The following NKAIN2 variants were observed in gnomAD, a reference collection of about 807,000 sequenced individuals.
NKAIN2 encodes sodium/potassium transporting ATPase interacting 2, also known as sodium/potassium-transporting ATPase subunit beta-1-interacting protein 2.
In NKAIN2, 14 loss-of-function variants were observed where a neutral mutation model predicts 32.6. That is an observed-to-expected ratio of 0.43 (90% CI 0.28 to 0.67). The LOEUF is 0.67. Ranked by LOEUF, NKAIN2 falls within the 30% of genes least tolerant of loss-of-function variation. NKAIN2 has a pLI of 0.17. For synonymous variants in NKAIN2, 80 were observed against 87.2 expected, an observed-to-expected ratio of 0.92 and a Z score of 0.46; for missense variants, 198 against 258.3, an observed-to-expected ratio of 0.77 and a Z score of 1.60.
At chr6:123,900,226 C>T (rs1161682333) in intron 1 of NKAIN2, among the ~76,000 whole-genome samples, 1 of 152,074 alleles carries the variant, frequency 6.6e-6, no homozygotes, top group African/African-American at 2.4e-5. Flanking sequence ...AATCCCAGCA[C>T]TTTGGGAGGC....
chr6:124,637,448 TC>T (rs1341442187), intron 3 of NKAIN2, among the ~76,000 whole-genome samples: 1 of 152,066 alleles, frequency 6.6e-6, no homozygotes, highest in Non-Finnish European at 1.5e-5. Flanking sequence ...AGTCAAATTG[TC>T]CCTCTTTGCA....
intron 1 of NKAIN2, among the ~76,000 whole-genome samples, chr6:123,892,413 C>T (rs936145497): frequency 1.2e-4 from 18 of 152,036 alleles, no homozygotes; most frequent in Admixed American, 6.5e-4. Flanking sequence ...CTTCACAGGG[C>T]GGCAGGAGAG....
At chr6:124,357,531 A>C (rs1460972515) in intron 3 of NKAIN2, among the ~76,000 whole-genome samples, 2 of 152,184 alleles carry the variant, frequency 1.3e-5, no homozygotes, top group African/African-American at 4.8e-5. Flanking sequence ...CATCAGAAAA[A>C]AAAAAGCAAT....
At chr6:124,227,606 C>T (rs181078377) in intron 1 of NKAIN2, among the ~76,000 whole-genome samples, 57 of 152,206 alleles carry the variant, frequency 3.7e-4, no homozygotes, top group Admixed American at 3.7e-3. Context: ...TAAGCATAAA[C>T]CATCCAATTT....
intron 3 of NKAIN2, among the ~76,000 whole-genome samples, chr6:124,379,146 G>GA (rs1408686343): frequency 1.6e-4 from 7 of 44,508 alleles, no homozygotes; most frequent in African/African-American, 6.0e-4. Context: ...GGGAGGGGAG[G>GA]GAGGGAGGGA....
chr6:124,216,956 A>T (rs1464589040), intron 1 of NKAIN2, among the ~76,000 whole-genome samples: 1 of 152,184 alleles, frequency 6.6e-6, no homozygotes, highest in Admixed American at 6.6e-5. Context: ...TATAAATAAC[A>T]AGAATTGACT....
intron 2 of NKAIN2, among the ~76,000 whole-genome samples, chr6:124,299,733 C>G (rs1021927713): frequency 9.9e-5 from 15 of 152,084 alleles, no homozygotes; most frequent in Non-Finnish European, 2.1e-4. Flanking sequence ...CTATATTTTT[C>G]TATTCTGAAT....
chr6:124,748,878 A>G (rs1291017860), intron 4 of NKAIN2, among the ~76,000 whole-genome samples: 3 of 150,210 alleles, frequency 2.0e-5, no homozygotes, highest in Non-Finnish European at 4.4e-5. Context: ...GTGTGCAAGT[A>G]TATTCGTTTT....
intron 1 of NKAIN2, among the ~76,000 whole-genome samples, chr6:124,189,535 G>A (rs1040132498): frequency 1.1e-4 from 17 of 151,802 alleles, no homozygotes; most frequent in Non-Finnish European, 1.5e-5. Flanking sequence ...CTGTCTCTAC[G>A]AAAAATACAA....
chr6:124,102,533 A>G (rs914478354), intron 1 of NKAIN2, among the ~76,000 whole-genome samples: 1 of 152,212 alleles, frequency 6.6e-6, no homozygotes, highest in African/African-American at 2.4e-5. Flanking sequence ...TTGCGATAAC[A>G]GTACAAGGCA....
chr6:124,710,897 C>T (rs997487851), intron 4 of NKAIN2, among the ~76,000 whole-genome samples: 13 of 150,348 alleles, frequency 8.6e-5, no homozygotes, highest in African/African-American at 2.7e-4. Flanking sequence ...TTATTTTGCT[C>T]GTTAGTTGAT....
At chr6:124,230,442 G>C (rs910933926) in intron 1 of NKAIN2, among the ~76,000 whole-genome samples, 2 of 152,184 alleles carry the variant, frequency 1.3e-5, no homozygotes, top group Non-Finnish European at 1.5e-5. Context: ...ATTTGCATAA[G>C]TGATAAACAG....
At chr6:123,910,499 G>GTTTTTTTTTTTTGTTTTTTTTTT (rs1775118616) in intron 1 of NKAIN2, among the ~76,000 whole-genome samples, 5 of 81,318 alleles carry the variant, frequency 6.1e-5, no homozygotes, top group African/African-American at 2.0e-4. Context: ...TGCAATGCAT[G>GTTTTTTTTTTTTGTTTTTTTTTT]TTTTTTTTTT....
intron 5 of NKAIN2, among the ~76,000 whole-genome samples, chr6:124,807,300 C>A (rs1166403915): frequency 6.6e-6 from 1 of 152,106 alleles, no homozygotes; most frequent in Non-Finnish European, 1.5e-5. Context: ...TCTCAGACCA[C>A]AGTGCAATCA....
intron 2 of NKAIN2, among the ~76,000 whole-genome samples, chr6:124,312,231 G>T (rs962536920): frequency 6.6e-6 from 1 of 152,122 alleles, no homozygotes; most frequent in African/African-American, 2.4e-5. Flanking sequence ...GTGACTTAAT[G>T]TGCAGAGATT....
chr6:124,064,968 A>G (rs1370512899), intron 1 of NKAIN2, among the ~76,000 whole-genome samples: 2 of 152,022 alleles, frequency 1.3e-5, no homozygotes, highest in Non-Finnish European at 2.9e-5. Context: ...CTATATCTTC[A>G]ATGTGTAGTA....
At chr6:124,199,585 AT>A (rs1481282152) in intron 1 of NKAIN2, among the ~76,000 whole-genome samples, 1 of 152,148 alleles carries the variant, frequency 6.6e-6, no homozygotes, top group African/African-American at 2.4e-5. Flanking sequence ...CTCGGTTCTT[AT>A]TGGATCAAAA....
At chr6:124,314,283 A>G (rs1202775852) in intron 2 of NKAIN2, among the ~76,000 whole-genome samples, 1 of 152,138 alleles carries the variant, frequency 6.6e-6, no homozygotes, top group Non-Finnish European at 1.5e-5. Flanking sequence ...AGAATAAATT[A>G]TTAATGGAAA....
chr6:124,546,400 T>C (rs1175518126), intron 3 of NKAIN2, among the ~76,000 whole-genome samples: 1 of 152,128 alleles, frequency 6.6e-6, no homozygotes, highest in Non-Finnish European at 1.5e-5. Context: ...AAAAAGGACA[T>C]GTCCTCAAAG....
Sources: allele counts gnomAD v4.1 joint callset (sites outside exome capture counted in the v4.1 genomes callset), GRCh38; gene constraint gnomAD v4.1.1; transcripts MANE v1.5; gene names NCBI Gene and HGNC (gene_info 2026-07-23, HGNC 2026-07-21).